PTPRK: variants seen among roughly 807,000 people sequenced by gnomAD.
The protein encoded by PTPRK is receptor-type tyrosine-protein phosphatase kappa.
In PTPRK, 75 loss-of-function variants were observed where a neutral mutation model predicts 178.0. The observed-to-expected ratio is 0.42, with a 90% CI of 0.35 to 0.51. The LOEUF (loss-of-function observed/expected upper bound fraction) is 0.51. Among genes scored for constraint, PTPRK ranks in the 20% least tolerant of loss-of-function variants. The pLI is 0.02. For missense variants in PTPRK, 1,441 were observed against 1,797.8 expected (o/e 0.80, Z 3.59); for synonymous variants, 637 against 620.6 (o/e 1.03, Z -0.39).
intron 2 of PTPRK, among the ~76,000 whole-genome samples, chr6:128,376,220 C>T (rs1311824031): frequency 6.6e-6 from 1 of 152,208 alleles, no homozygotes; most frequent in Non-Finnish European, 1.5e-5. Flanking sequence ...CATGAGGGCC[C>T]CACCCCTTCA....
At chr6:128,472,587 T>G (rs189121481) in intron 1 of PTPRK, 4 of 184,720 alleles carry the variant, frequency 2.2e-5, no homozygotes, top group African/African-American at 9.5e-5. Flanking sequence ...ATTTCCCATC[T>G]TTACATCTAT....
intron 1 of PTPRK, among the ~76,000 whole-genome samples, chr6:128,510,216 A>T (rs1246279832): frequency 1.3e-5 from 2 of 152,144 alleles, no homozygotes; most frequent in Non-Finnish European, 2.9e-5. Flanking sequence ...TCCATTACGG[A>T]CCATTAAAGT....
At chr6:128,507,905 G>A (rs558278800) in intron 1 of PTPRK, among the ~76,000 whole-genome samples, 5 of 152,122 alleles carry the variant, frequency 3.3e-5, no homozygotes, top group Non-Finnish European at 7.4e-5. Context: ...GATTACTCAA[G>A]TTTTGGGAAA....
intron 1 of PTPRK, among the ~76,000 whole-genome samples, chr6:128,462,909 G>C (rs1849265622): frequency 6.6e-6 from 1 of 151,972 alleles, no homozygotes; most frequent in Non-Finnish European, 1.5e-5. Flanking sequence ...CACCTGCCTT[G>C]GCCTCCTAAA....
chr6:128,320,371 C>T (rs972924969), intron 3 of PTPRK, among the ~76,000 whole-genome samples: 4 of 151,996 alleles, frequency 2.6e-5, no homozygotes, highest in Admixed American at 1.3e-4. Context: ...TTCGTAGTTA[C>T]GAGGAAAAAG....
intron 13 of PTPRK, among the ~76,000 whole-genome samples, chr6:128,027,517 C>A (rs375520442): frequency 1.3e-5 from 2 of 151,942 alleles, no homozygotes; most frequent in African/African-American, 4.8e-5. Flanking sequence ...AATGAATGAT[C>A]GTTTCAGAGC....
At chr6:128,170,513 C>A (rs1361808040) in intron 7 of PTPRK, among the ~76,000 whole-genome samples, 2 of 151,966 alleles carry the variant, frequency 1.3e-5, no homozygotes, top group African/African-American at 4.8e-5. Flanking sequence ...TTTCCTAAAT[C>A]AATCACTTTA....
Position 128,297,342 on chromosome 6 carries a change from C to T in PTPRK, c.495+24697G>A, listed in dbSNP as rs540504521. ...GAGACGGAAAGTTAACAAGGATACC[C>T]AGGAATTGAACTCAGCTCTGCACTA... On this transcript the variant is annotated intron_variant, in intron 3 of 29. Transcript: ENST00000368226. Among the ~76,000 whole-genome samples, 4 of 152,242 alleles carry T rather than the reference C, an allele frequency of 2.6e-5. No individual in the cohort carries two copies. In the South Asian group the frequency reaches 8.3e-4, roughly 32 times the overall value.
At chr6:128,035,214 A>G (rs1048937649) in intron 13 of PTPRK, among the ~76,000 whole-genome samples, 14 of 152,054 alleles carry the variant, frequency 9.2e-5, no homozygotes, top group Admixed American at 3.3e-4. Context: ...AAAAAATACA[A>G]AATTATCCAG....
intron 1 of PTPRK, among the ~76,000 whole-genome samples, chr6:128,461,077 T>C (rs1453315156): frequency 6.6e-6 from 1 of 152,218 alleles, no homozygotes; most frequent in Non-Finnish European, 1.5e-5. Context: ...TCATCTTTTT[T>C]CATTTCTTAT....
intron 1 of PTPRK, among the ~76,000 whole-genome samples, chr6:128,438,690 G>A (rs1030947390): frequency 2.0e-5 from 3 of 152,162 alleles, no homozygotes; most frequent in African/African-American, 7.2e-5. Flanking sequence ...GCCAAGTTAG[G>A]CTGAGAAAAG....
At chr6:128,093,674 AAC>A (rs1391686140) in intron 7 of PTPRK, among the ~76,000 whole-genome samples, 2 of 151,398 alleles carry the variant, frequency 1.3e-5, no homozygotes, top group African/African-American at 2.4e-5. Flanking sequence ...GGAAAAAAGA[AAC>A]ACAGTAATCG....
intron 1 of PTPRK, among the ~76,000 whole-genome samples, chr6:128,436,284 A>C (rs892321080): frequency 2.0e-5 from 3 of 152,210 alleles, no homozygotes; most frequent in Admixed American, 1.3e-4. Flanking sequence ...AATTAAAACT[A>C]TACTAACAAG....
chr6:128,202,567 C>T (rs1255128169), intron 6 of PTPRK, among the ~76,000 whole-genome samples: 11 of 152,168 alleles, frequency 7.2e-5, no homozygotes, highest in Non-Finnish European at 1.0e-4. Flanking sequence ...GGGCACTTCA[C>T]AAGTTAAGAC....
At chr6:128,341,150 T>A (rs1831605807) in intron 2 of PTPRK, among the ~76,000 whole-genome samples, 1 of 152,168 alleles carries the variant, frequency 6.6e-6, no homozygotes, top group Admixed American at 6.5e-5. Context: ...TTTTTTTCTA[T>A]ATGTACTCTA....
chr6:128,366,738 G>T (rs927598391), intron 2 of PTPRK, among the ~76,000 whole-genome samples: 19 of 152,190 alleles, frequency 1.2e-4, no homozygotes, highest in African/African-American at 4.6e-4. Context: ...GGCATGTCAA[G>T]TGTGCATTGA....
At chr6:128,096,147 A>C (rs1426554782) in intron 7 of PTPRK, among the ~76,000 whole-genome samples, 2 of 152,244 alleles carry the variant, frequency 1.3e-5, no homozygotes, top group East Asian at 3.8e-4. Flanking sequence ...AAGAAGTAAC[A>C]TATCACTGCC....
chr6:128,036,324 T>C (rs536373591), intron 13 of PTPRK, among the ~76,000 whole-genome samples: 8 of 152,330 alleles, frequency 5.3e-5, no homozygotes, highest in Non-Finnish European at 8.8e-5. Context: ...TTTGGTCTTA[T>C]GGATAACCAA....
intron 2 of PTPRK, among the ~76,000 whole-genome samples, chr6:128,383,673 C>T (rs1158040420): frequency 6.6e-6 from 1 of 152,106 alleles, no homozygotes; most frequent in African/African-American, 2.4e-5. Flanking sequence ...TATCATAGGT[C>T]TATGTGCCAA....
Sources: gnomAD v4.1 joint callset for allele counts (sites outside exome capture counted in the v4.1 genomes callset) on GRCh38, gnomAD v4.1.1 for gene constraint, MANE v1.5 for transcripts, NCBI Gene and HGNC (gene_info 2026-07-23, HGNC 2026-07-21) for gene names.